GUCY1A2: variants seen among roughly 807,000 people sequenced by gnomAD.
GUCY1A2 encodes the protein guanylate cyclase soluble subunit alpha-2.
In GUCY1A2, 27 loss-of-function variants were observed where a neutral mutation model predicts 63.5. The observed-to-expected ratio is 0.43, with a 90% CI of 0.31 to 0.59. The LOEUF (loss-of-function observed/expected upper bound fraction) is 0.59. Among genes scored for constraint, GUCY1A2 ranks in the 20% least tolerant of loss-of-function variants. The pLI is 0.11. For missense variants in GUCY1A2, 768 were observed against 913.3 expected (o/e 0.84, Z 2.05); for synonymous variants, 364 against 343.5 (o/e 1.06, Z -0.66).
chr11:106,730,139 C>T (rs892183583), intron 6 of GUCY1A2, among the ~76,000 whole-genome samples: 16 of 142,510 alleles, frequency 1.1e-4, no homozygotes, highest in African/African-American at 3.6e-4. Flanking sequence ...TTAGGTTCAG[C>T]GGTACCTAAA....
At chr11:106,944,232 A>AAAAAAAAAAAAAAAAAC (rs1860793768) in intron 3 of GUCY1A2, among the ~76,000 whole-genome samples, 1 of 143,554 alleles carries the variant, frequency 7.0e-6, no homozygotes, top group Non-Finnish European at 1.5e-5. Context: ...AAAAAAAAAA[A>AAAAAAAAAAAAAAAAAC]AAAAGCAGGT....
intron 7 of GUCY1A2, among the ~76,000 whole-genome samples, chr11:106,700,871 C>T (rs893558725): frequency 6.6e-6 from 1 of 151,866 alleles, no homozygotes; most frequent in Non-Finnish European, 1.5e-5. Context: ...TCTTTCCCCA[C>T]ATTAAGCGTC....
intron 3 of GUCY1A2, among the ~76,000 whole-genome samples, chr11:106,959,759 C>T (rs923256634): frequency 3.3e-5 from 5 of 152,238 alleles, no homozygotes; most frequent in African/African-American, 9.6e-5. Context: ...TTCAATTTTT[C>T]CCTCTGCCCC....
chr11:106,906,867 T>C (rs184690549), intron 4 of GUCY1A2, among the ~76,000 whole-genome samples: 1 of 152,020 alleles, frequency 6.6e-6, no homozygotes, highest in East Asian at 1.9e-4. Flanking sequence ...TCCTCACTCA[T>C]AGGTGGGAGT....
intron 6 of GUCY1A2, among the ~76,000 whole-genome samples, chr11:106,734,158 G>GA (rs1394684945): frequency 6.6e-6 from 1 of 152,034 alleles, no homozygotes; most frequent in Non-Finnish European, 1.5e-5. Context: ...AGTATCCTCA[G>GA]AAAAAACACA....
At position 106,687,521 on chromosome 11, in the gene GUCY1A2, T is replaced by C; in HGVS notation, c.*28A>G. On this transcript the variant is annotated 3_prime_UTR_variant, in exon 8 of 8. Coordinates refer to ENST00000526355, the MANE Select transcript of GUCY1A2 (RefSeq NM_000855.3). Reference sequence around the variant, plus strand: ...ACCCATGTTCTGGGCTTGTGCTTTTTGGAGGAGTCTTTGATCTGTAGCAGG... The same window carrying C: ...ACCCATGTTCTGGGCTTGTGCTTTTCGGAGGAGTCTTTGATCTGTAGCAGG... 6.4e-7 allele frequency: 1 copy of C among 1,552,752 alleles called. No individual in the cohort carries two copies. Among genetic ancestry groups the C allele is most frequent in the Non-Finnish European group, 8.9e-7 (1 of 1,124,616 alleles).
chr11:106,809,331 G>T (rs987825975), intron 5 of GUCY1A2, among the ~76,000 whole-genome samples: 5 of 152,062 alleles, frequency 3.3e-5, no homozygotes, highest in African/African-American at 9.7e-5. Flanking sequence ...AGGTAGATAT[G>T]GAGCTAAATG....
At chr11:106,942,876 C>T (rs922021057) in intron 3 of GUCY1A2, among the ~76,000 whole-genome samples, 1 of 151,958 alleles carries the variant, frequency 6.6e-6, no homozygotes, top group Admixed American at 6.6e-5. Context: ...CTTTAAGGTA[C>T]AATATTGTTA....
chr11:106,873,556 G>C (rs558355032), intron 4 of GUCY1A2, among the ~76,000 whole-genome samples: 1 of 151,904 alleles, frequency 6.6e-6, no homozygotes, highest in South Asian at 2.1e-4. Flanking sequence ...TCTTGGCCAC[G>C]TACATGTCTT....
chr11:107,017,579 A>AGCC (rs1248600740), intron 1 of GUCY1A2, among the ~76,000 whole-genome samples, 174 bp downstream of exon 1: 1 of 151,156 alleles, frequency 6.6e-6, no homozygotes, highest in African/African-American at 2.5e-5. Context: ...CTTCCGCCCT[A>AGCC]GCCTAGGGGA....
intron 4 of GUCY1A2, among the ~76,000 whole-genome samples, chr11:106,883,017 C>T (rs1023766199): frequency 6.6e-6 from 1 of 151,998 alleles, no homozygotes; most frequent in African/African-American, 2.4e-5. Flanking sequence ...ATCTCTATGT[C>T]ATCTTCTACA....
intron 4 of GUCY1A2, among the ~76,000 whole-genome samples, chr11:106,934,931 T>G (rs1490947381): frequency 6.6e-6 from 1 of 152,214 alleles, no homozygotes; most frequent in Admixed American, 6.5e-5. Flanking sequence ...TCCATTTTAT[T>G]TTGGAAGTTA....
chr11:106,850,547 T>A (rs117316746), intron 4 of GUCY1A2, among the ~76,000 whole-genome samples: 97 of 151,946 alleles, frequency 6.4e-4, no homozygotes, highest in Non-Finnish European at 1.2e-3. Flanking sequence ...CTACTCTCCA[T>A]TTCCATAAGC....
intron 5 of GUCY1A2, among the ~76,000 whole-genome samples, chr11:106,783,110 G>C (rs1421633085): frequency 6.6e-6 from 1 of 152,162 alleles, no homozygotes; most frequent in Non-Finnish European, 1.5e-5. Flanking sequence ...AAGATACACT[G>C]ACCCTCTTTG....
At chr11:106,932,896 G>A (rs1011371580) in intron 4 of GUCY1A2, among the ~76,000 whole-genome samples, 3 of 152,128 alleles carry the variant, frequency 2.0e-5, no homozygotes, top group Non-Finnish European at 4.4e-5. Context: ...AAATGGTGCT[G>A]GGATAGCTGG....
chr11:106,812,778 A>G (rs1295280926), intron 4 of GUCY1A2, among the ~76,000 whole-genome samples: 2 of 151,996 alleles, frequency 1.3e-5, no homozygotes, highest in Non-Finnish European at 2.9e-5. Flanking sequence ...TGAAATCTCT[A>G]CATAAACAGA....
chr11:106,960,508 A>G (rs1215568288), intron 3 of GUCY1A2, among the ~76,000 whole-genome samples: 1 of 152,242 alleles, frequency 6.6e-6, no homozygotes, highest in African/African-American at 2.4e-5. Context: ...GGCTGAGTAA[A>G]TCAGTACCTA....
chr11:106,886,386 C>T (rs542464653), intron 4 of GUCY1A2, among the ~76,000 whole-genome samples: 71 of 152,208 alleles, frequency 4.7e-4, no homozygotes, highest in African/African-American at 1.7e-3. Context: ...GTCTAGATAT[C>T]TGAAACACAA....
chr11:106,789,222 C>T (rs556134729), intron 5 of GUCY1A2, among the ~76,000 whole-genome samples: 5 of 152,286 alleles, frequency 3.3e-5, no homozygotes, highest in African/African-American at 1.2e-4. Flanking sequence ...AGTAGCTTGT[C>T]TTCAAGCTCA....
Sources: allele counts gnomAD v4.1 joint callset (sites outside exome capture counted in the v4.1 genomes callset), GRCh38; gene constraint gnomAD v4.1.1; transcripts MANE v1.5; gene names NCBI Gene and HGNC (gene_info 2026-07-23, HGNC 2026-07-21).